Variants in LAMB1 observed in about 807,000 individuals in gnomAD.
The protein encoded by LAMB1 is laminin subunit beta-1.
LAMB1 carries 121 observed loss-of-function variants against 222.3 expected under a neutral mutation model. The observed-to-expected ratio is 0.54, with a 90% confidence interval of 0.47 to 0.63. The LOEUF is 0.63. LAMB1 is among the 30% of genes least tolerant of loss of function. LAMB1 has a pLI of 0.00. For missense variants in LAMB1, 2,172 were observed against 2,240.8 expected (o/e 0.97, Z 0.62); for synonymous variants, 794 against 807.2 (o/e 0.98, Z 0.28).
At chr7:107,929,287 C>T (rs953014837) in intron 30 of LAMB1, 82 bp from the exon 31 acceptor site, 1 of 1,550,506 alleles carries the variant, frequency 6.4e-7, no homozygotes, top group South Asian at 1.1e-5. Context: ...AAAGAATAGC[C>T]TTCCTGAAAT....
intron 13 of LAMB1, among the ~76,000 whole-genome samples, chr7:107,966,105 A>G (rs1275716687): frequency 6.6e-6 from 1 of 152,080 alleles, no homozygotes; most frequent in Admixed American, 6.6e-5. Context: ...CTCAAAATAA[A>G]TAAATAAATA....
At chr7:107,998,165 A>G (rs897845195) in intron 4 of LAMB1, among the ~76,000 whole-genome samples, 192 bp downstream of exon 4, 2 of 152,230 alleles carry the variant, frequency 1.3e-5, no homozygotes, top group Non-Finnish European at 2.9e-5. Context: ...GCTTTCTTAT[A>G]GGAAATACAT....
intron 5 of LAMB1, among the ~76,000 whole-genome samples, chr7:107,994,086 A>G (rs2150452512): frequency 6.6e-6 from 1 of 151,450 alleles, no homozygotes; most frequent in East Asian, 2.0e-4. Flanking sequence ...AAGGTTCCCA[A>G]CTCCAACTGA....
chr7:107,959,184 G>A (rs2033439579), intron 20 of LAMB1, 65 bp downstream of exon 20: 1 of 1,229,302 alleles, frequency 8.1e-7, no homozygotes, highest in South Asian at 1.4e-5. Flanking sequence ...TTCTGTGGTT[G>A]GTCTAAGATG....
chr7:107,947,333 A>G lies in LAMB1; in HGVS notation c.3391+3893T>C, dbSNP rs183988995. Among the ~76,000 whole-genome samples, 134 of 152,328 alleles carry G rather than the reference A, an allele frequency of 8.8e-4. 1 individual carries two copies. Among genetic ancestry groups the G allele is most frequent in the African/African-American group, 3.1e-3 (129 of 41,576 alleles). ...TAGCTAGTTGGCATCAGAAAGTCTA[A>G]ATTTATGCCCTCTAACAACCAATTC... On this transcript the variant is annotated intron_variant, in intron 24 of 33. Transcript: ENST00000222399.
At chr7:108,001,779 G>A (rs758457042) in intron 2 of LAMB1, 46 bp from the exon 3 acceptor site, 4 of 1,603,164 alleles carry the variant, frequency 2.5e-6, no homozygotes, top group Non-Finnish European at 2.6e-6. Flanking sequence ...CAAGCAGGGA[G>A]TGGAGCCCGA....
Position 107,952,053 on chromosome 7 carries a change from A to G in LAMB1, c.3250T>C (p.Cys1084Arg). 1 of 1,613,994 alleles carries G rather than the reference A, an allele frequency of 6.2e-7. No homozygotes were observed. Among genetic ancestry groups the G allele is most frequent in the East Asian group, 2.2e-5 (1 of 44,882 alleles). ...QLASGTGCDP[C>R]NCNAAHSFGP... is the part of the protein sequence containing the mutation. Reference sequence around the variant, plus strand: ...AAGGAATGAGCAGCATTGCAGTTGCATGGGTCACAGCCAGTGCCACTGGCC... The same window carrying G: ...AAGGAATGAGCAGCATTGCAGTTGCGTGGGTCACAGCCAGTGCCACTGGCC... Residue 1084 changes from cysteine to arginine, a missense_variant, in exon 23 of 34, where the codon TGC (cysteine) becomes CGC (arginine). Cys to Arg is a radical substitution (Grantham distance 180). Transcript: ENST00000222399.
At chr7:107,966,235 G>T (rs535772377) in intron 13 of LAMB1, among the ~76,000 whole-genome samples, 18 of 152,006 alleles carry the variant, frequency 1.2e-4, no homozygotes, top group Middle Eastern at 3.4e-3. Context: ...TTTTGAGATG[G>T]AGTCTCGCAC....
chr7:107,955,050 A>G (rs1270107851), intron 21 of LAMB1, among the ~76,000 whole-genome samples: 1 of 152,224 alleles, frequency 6.6e-6, no homozygotes, highest in Admixed American at 6.5e-5. Context: ...TTAACAGTGA[A>G]GAATATATTC....
Position 107,965,080 on chromosome 7 carries a change from G to C in LAMB1, c.1563-393C>G, listed in dbSNP as rs183703735. 2.6e-5 allele frequency among the ~76,000 whole-genome samples: 4 copies of C among 152,274 alleles called. No homozygotes were observed. In the East Asian group the frequency reaches 7.7e-4, roughly 29 times the overall value. On this transcript the variant is annotated intron_variant, in intron 13 of 33. Coordinates refer to ENST00000222399, the MANE Select transcript of LAMB1 (RefSeq NM_002291.3). ...CTGTCCCAGAGCATCCCAAACCAACGGATCTAAGACAGAAGCCCTCAATCC... is the reference window on the plus strand; with the variant it reads ...CTGTCCCAGAGCATCCCAAACCAACCGATCTAAGACAGAAGCCCTCAATCC...
intron 10 of LAMB1, 32 bp from the exon 11 acceptor site, chr7:107,975,445 C>A: frequency 1.3e-6 from 2 of 1,564,418 alleles, no homozygotes; most frequent in South Asian, 1.2e-5. Flanking sequence ...AGGTTAAAAT[C>A]AGGAGGAAAC....
rs1563014715 is a variant in LAMB1, at chr7:108,002,988, G to A, written c.-86-17C>T. ...TCTTCCTTTCTGGAGAGGTGGAAAG[G>A]AGGGGAAAAAAGGCAAATGTTCAAA... On this transcript the variant is annotated splice_polypyrimidine_tract_variant and intron_variant, in intron 1 of 33. Coordinates refer to ENST00000222399, the MANE Select transcript of LAMB1 (RefSeq NM_002291.3). 4 of 1,572,908 alleles carry A rather than the reference G, an allele frequency of 2.5e-6. No homozygotes were observed. Among genetic ancestry groups the A allele is most frequent in the Non-Finnish European group, 3.4e-6 (4 of 1,166,470 alleles).
At chr7:107,989,895 GAAC>G (rs1047296266) in intron 5 of LAMB1, among the ~76,000 whole-genome samples, 2 of 152,158 alleles carry the variant, frequency 1.3e-5, no homozygotes, top group African/African-American at 4.8e-5. Context: ...CTGGAAACCA[GAAC>G]AACACATTTT....
rs991217588 is a variant in LAMB1 at position 107,999,295 on chromosome 7, A to G, written c.214-803T>C. ...TATCTACTTCCTGTGCATTCCATCAAGGCAAATCATAAACAACAGAGCTTA... is the reference window on the plus strand; with the variant it reads ...TATCTACTTCCTGTGCATTCCATCAGGGCAAATCATAAACAACAGAGCTTA... On this transcript the variant is annotated intron_variant, in intron 3 of 33. Transcript: ENST00000222399. 2.4e-4 allele frequency among the ~76,000 whole-genome samples: 37 copies of G among 152,226 alleles called. 1 individual carries two copies. Among genetic ancestry groups the G allele is most frequent in the African/African-American group, 8.7e-4 (36 of 41,458 alleles).
chr7:107,955,653 C>A (rs1423736081), intron 20 of LAMB1, 23 bp from the exon 21 acceptor site: 1 of 1,590,376 alleles, frequency 6.3e-7, no homozygotes, highest in Non-Finnish European at 8.6e-7. Context: ...CAGAAGAGAA[C>A]AGGCCATGAC....
At chr7:107,951,916 G>A (rs969138787) in intron 23 of LAMB1, 93 bp downstream of exon 23, 4 of 1,055,904 alleles carry the variant, frequency 3.8e-6, no homozygotes, top group Non-Finnish European at 5.6e-6. Context: ...GTTTCAAGCT[G>A]TGTGCCCTGG....
intron 7 of LAMB1, among the ~76,000 whole-genome samples, chr7:107,981,582 C>T (rs887566820): frequency 1.3e-5 from 2 of 151,976 alleles, no homozygotes; most frequent in Non-Finnish European, 2.9e-5. Flanking sequence ...GTTTGCAGAA[C>T]AGCTATTTAG....
At chr7:107,969,400 A>C (rs1350722558) in intron 13 of LAMB1, among the ~76,000 whole-genome samples, 2 of 152,130 alleles carry the variant, frequency 1.3e-5, no homozygotes, top group African/African-American at 2.4e-5. Flanking sequence ...CCTATTACTA[A>C]GGAATTAGGC....
At chr7:108,002,484 G>A in intron 2 of LAMB1, 1 of 1,218,194 alleles carries the variant, frequency 8.2e-7, no homozygotes, top group Non-Finnish European at 1.1e-6. Context: ...CACTCTCCTG[G>A]GCAATGGATT....
Sources: allele counts gnomAD v4.1 joint callset (sites outside exome capture counted in the v4.1 genomes callset), GRCh38; gene constraint gnomAD v4.1.1; transcripts MANE v1.5; gene names NCBI Gene and HGNC (gene_info 2026-07-23, HGNC 2026-07-21).